UPB1: variants seen among roughly 807,000 people sequenced by gnomAD.
UPB1 encodes beta-ureidopropionase 1, also known as beta-ureidopropionase.
Under a neutral mutation model 49.1 loss-of-function variants are expected in UPB1, and 40 were observed. The ratio of observed to expected loss-of-function variants is 0.81; its 90% CI spans 0.63 to 1.06. UPB1 has a LOEUF of 1.06. Ranked by LOEUF, UPB1 falls within the 50% of genes least tolerant of loss-of-function variation. UPB1 has a pLI of 0.00. For missense variants in UPB1, 499 were observed against 505.9 expected (o/e 0.99, Z 0.13); for synonymous variants, 207 against 198.2 (o/e 1.04, Z -0.38).
chr22:24,498,806 A>G (rs1033485501), intron 1 of UPB1, among the ~76,000 whole-genome samples: 2 of 152,072 alleles, frequency 1.3e-5, no homozygotes, highest in African/African-American at 4.8e-5. Flanking sequence ...TCACCAGGAC[A>G]CTCTGAAAGA....
intron 1 of UPB1, among the ~76,000 whole-genome samples, chr22:24,497,054 C>T (rs1267482659): frequency 1.3e-5 from 2 of 152,144 alleles, no homozygotes; most frequent in African/African-American, 4.8e-5. Context: ...TCTCTCCCCC[C>T]TATCTCCCTT....
intron 7 of UPB1, among the ~76,000 whole-genome samples, chr22:24,521,344 G>GC (rs1193405449): frequency 6.6e-6 from 1 of 151,996 alleles, no homozygotes; most frequent in Non-Finnish European, 1.5e-5. Context: ...TTAGCCGGGC[G>GC]CGGTGGTAGG....
At chr22:24,519,856 A>G in intron 6 of UPB1, 1 of 223,640 alleles carries the variant, frequency 4.5e-6, no homozygotes, top group Non-Finnish European at 9.1e-6. Context: ...CAGCCCTCAC[A>G]GGCCCTGCAC....
chr22:24,507,808 A>G (rs768076105), intron 3 of UPB1, among the ~76,000 whole-genome samples: 1 of 152,044 alleles, frequency 6.6e-6, no homozygotes, highest in Non-Finnish European at 1.5e-5. Context: ...TAACTCATAC[A>G]TGTTCAGGAC....
At chr22:24,514,265 AG>A (rs2044255856) in intron 5 of UPB1, among the ~76,000 whole-genome samples, 1 of 151,654 alleles carries the variant, frequency 6.6e-6, no homozygotes, top group African/African-American at 2.4e-5. Context: ...GCAGAGCTAG[AG>A]GAGGTTTCCC....
chr22:24,499,306 A>G (rs976430844), intron 1 of UPB1, among the ~76,000 whole-genome samples: 3 of 152,172 alleles, frequency 2.0e-5, no homozygotes, highest in African/African-American at 7.2e-5. Flanking sequence ...GTATTTCATA[A>G]TCATCTTGCG....
intron 3 of UPB1, 69 bp from the exon 4 acceptor site, chr22:24,510,680 C>T (rs528811477): frequency 6.6e-7 from 1 of 1,515,434 alleles, no homozygotes; most frequent in Non-Finnish European, 9.2e-7. Flanking sequence ...CTTCCCGCTG[C>T]TGGGCTGAGG....
At chr22:24,496,495 G>T (rs533779831) in intron 1 of UPB1, among the ~76,000 whole-genome samples, 1 of 151,920 alleles carries the variant, frequency 6.6e-6, no homozygotes, top group Non-Finnish European at 1.5e-5. Context: ...CCTTAATTAC[G>T]TCTGTGAAGA....
intron 9 of UPB1, among the ~76,000 whole-genome samples, chr22:24,524,100 A>G (rs1357053831): frequency 6.6e-6 from 1 of 152,196 alleles, no homozygotes; most frequent in Non-Finnish European, 1.5e-5. Flanking sequence ...CTTTCCAGGC[A>G]TTTGCACTTA....
At chr22:24,515,408 C>A in intron 6 of UPB1, 38 bp downstream of exon 6, 1 of 1,613,676 alleles carries the variant, frequency 6.2e-7, no homozygotes, top group South Asian at 1.1e-5. Flanking sequence ...CTTCCTGGGG[C>A]CCAGCCAGCT....
intron 5 of UPB1, 55 bp from the exon 6 acceptor site, chr22:24,515,146 G>A (rs2044270345): frequency 1.9e-6 from 3 of 1,610,512 alleles, no homozygotes; most frequent in Non-Finnish European, 2.5e-6. Flanking sequence ...TTTCTGCTGA[G>A]TCTAAGGAAA....
rs943330147 is a variant in UPB1 at position 24,526,556 on chromosome 22, T to A, written c.*762T>A. 6.6e-6 allele frequency: 1 copy of A among 152,594 alleles called. No homozygotes were observed. Among genetic ancestry groups the A allele is most frequent in the South Asian group, 2.1e-4 (1 of 4,832 alleles). 9.5% of individuals were successfully genotyped at this position (152,594 alleles called of 1,614,324 possible). A position where few individuals can be genotyped will look rare whatever the true frequency, so the allele number is the denominator to read the frequency against. Reference sequence around the variant, plus strand: ...AGCTCCTACAATCACTGAAGTCAATTCCTTGCAATAAATCTCAATATATCC... The same window carrying A: ...AGCTCCTACAATCACTGAAGTCAATACCTTGCAATAAATCTCAATATATCC... On this transcript the variant is annotated 3_prime_UTR_variant, in exon 10 of 10. Transcript: ENST00000326010.
In UPB1 at chr22:24,523,634, G is replaced by A. The variant is rs1440749607; in HGVS notation, c.932G>A (p.Gly311Asp). Reference sequence around the variant, plus strand: ...TCCTTTAAAGCTCACCAGGACTTTGGCTACTTTTATGGCTCGAGCTATGTG... The same window carrying A: ...TCCTTTAAAGCTCACCAGGACTTTGACTACTTTTATGGCTCGAGCTATGTG... ...GDGKKAHQDF[G>D]YFYGSSYVAA... Residue 311 changes from glycine to aspartate, a missense_variant, in exon 9 of 10, where the codon GGC (glycine) becomes GAC (aspartate). By Grantham distance (94) the Gly-to-Asp change is moderately conservative. Transcript: ENST00000326010. 6.2e-7 allele frequency: 1 copy of A among 1,614,256 alleles called. No homozygotes were observed. Among genetic ancestry groups the A allele is most frequent in the African/African-American group, 1.3e-5 (1 of 75,068 alleles).
intron 4 of UPB1, 76 bp downstream of exon 4, chr22:24,510,919 TTTGGC>T (rs2044187764): frequency 6.6e-7 from 1 of 1,513,786 alleles, no homozygotes; most frequent in African/African-American, 1.4e-5. Context: ...AGCTGCCGGG[TTTGGC>T]CTTTCACCAT....
chr22:24,505,547 T>C (rs192618779), intron 3 of UPB1, among the ~76,000 whole-genome samples: 93 of 152,318 alleles, frequency 6.1e-4, no homozygotes, highest in African/African-American at 2.2e-3. Context: ...TCCCTCTGTT[T>C]TGACACTTCA....
intron 7 of UPB1, among the ~76,000 whole-genome samples, chr22:24,520,754 C>T (rs529576291): frequency 9.2e-5 from 14 of 152,310 alleles, no homozygotes; most frequent in Admixed American, 5.2e-4. Context: ...TTTTGACTGC[C>T]AAACAGAATG....
At chr22:24,524,853 G>A (rs2044455521) in intron 9 of UPB1, among the ~76,000 whole-genome samples, 1 of 152,102 alleles carries the variant, frequency 6.6e-6, no homozygotes. Flanking sequence ...ACTTTGCCCG[G>A]TGTGACTAAA....
intron 6 of UPB1, chr22:24,516,717 G>C (rs887331488): frequency 6.6e-6 from 1 of 151,762 alleles, no homozygotes; most frequent in African/African-American, 2.4e-5. Flanking sequence ...AATTTCAGTT[G>C]AATTTCTTCT....
chr22:24,501,104 C>G (rs2147002248), intron 2 of UPB1, among the ~76,000 whole-genome samples: 1 of 152,320 alleles, frequency 6.6e-6, no homozygotes, highest in Admixed American at 6.5e-5. Flanking sequence ...TCTATCATCC[C>G]AGACTGTCAA....
Sources: allele counts gnomAD v4.1 joint callset (sites outside exome capture counted in the v4.1 genomes callset), GRCh38; gene constraint gnomAD v4.1.1; transcripts MANE v1.5; gene names NCBI Gene and HGNC (gene_info 2026-07-23, HGNC 2026-07-21).